The following ERG variants were observed in gnomAD, a reference collection of about 807,000 sequenced individuals.
ERG encodes the protein transcriptional regulator ERG.
A neutral mutation model predicts 55.3 loss-of-function variants in ERG; 9 were observed. That is an observed-to-expected ratio of 0.16 (90% CI 0.10 to 0.28). The LOEUF (loss-of-function observed/expected upper bound fraction) is 0.28. Ranked by LOEUF, ERG falls within the 10% of genes least tolerant of loss-of-function variation. ERG has a pLI of 1.00. For synonymous variants in ERG, 223 were observed against 237.3 expected (o/e 0.94, Z 0.55); for missense variants, 434 against 631.6 (o/e 0.69, Z 3.35).
intron 1 of ERG, among the ~76,000 whole-genome samples, chr21:38,488,108 C>A (rs899146971): frequency 1.3e-5 from 2 of 152,122 alleles, no homozygotes; most frequent in African/African-American, 4.8e-5. Context: ...TTCTTCCCTT[C>A]GCAATGCACT....
At chr21:38,420,698 G>C (rs1989504298) in intron 3 of ERG, among the ~76,000 whole-genome samples, 1 of 152,122 alleles carries the variant, frequency 6.6e-6, no homozygotes, top group African/African-American at 2.4e-5. Flanking sequence ...AGTGTAGAAA[G>C]ACTCAAGTCT....
intron 2 of ERG, among the ~76,000 whole-genome samples, chr21:38,542,453 G>A (rs148412098): frequency 6.6e-5 from 10 of 152,288 alleles, no homozygotes. Flanking sequence ...GCTAAAAGAT[G>A]TTTACAGGAC....
intron 1 of ERG, among the ~76,000 whole-genome samples, chr21:38,492,716 A>G (rs2059346911): frequency 6.6e-6 from 1 of 152,336 alleles, no homozygotes; most frequent in Middle Eastern, 3.4e-3. Flanking sequence ...GAGAGTGGAC[A>G]GATGGGAATC....
chr21:38,592,883 T>C (rs1001180181), intron 1 of ERG, among the ~76,000 whole-genome samples: 1 of 152,238 alleles, frequency 6.6e-6, no homozygotes, highest in Non-Finnish European at 1.5e-5. Context: ...CATTTCATGT[T>C]GCTTTGGAGG....
intron 1 of ERG, among the ~76,000 whole-genome samples, chr21:38,621,241 C>T (rs576108464): frequency 6.6e-6 from 1 of 152,076 alleles, no homozygotes; most frequent in South Asian, 2.1e-4. Flanking sequence ...GTCCCCAACT[C>T]TTATGTCCTA....
chr21:38,649,405 C>T (rs2060475606), intron 1 of ERG, among the ~76,000 whole-genome samples: 1 of 152,182 alleles, frequency 6.6e-6, no homozygotes, highest in African/African-American at 2.4e-5. Flanking sequence ...GCCACATGGC[C>T]AGTCAAACGT....
At chr21:38,609,702 ATGTGT>A (rs1411416542) in intron 1 of ERG, among the ~76,000 whole-genome samples, 2 of 152,240 alleles carry the variant, frequency 1.3e-5, no homozygotes, top group African/African-American at 4.8e-5. Context: ...GCACATGCAT[ATGTGT>A]GAAATCTGTG....
intron 1 of ERG, among the ~76,000 whole-genome samples, chr21:38,454,820 C>T (rs998636142): frequency 2.0e-5 from 3 of 152,118 alleles, no homozygotes; most frequent in Non-Finnish European, 2.9e-5. Context: ...ATTTTCAAAC[C>T]AAGTATCTAC....
At chr21:38,470,401 C>T (rs1477672960) in intron 1 of ERG, among the ~76,000 whole-genome samples, 1 of 152,120 alleles carries the variant, frequency 6.6e-6, no homozygotes, top group African/African-American at 2.4e-5. Flanking sequence ...TATGCTGATC[C>T]TAGCTTTGTC....
rs1238254698 is a variant in ERG, at chr21:38,400,499, G to C, written c.745+75C>G. 2.6e-6 allele frequency: 3 copies of C among 1,166,854 alleles called. No homozygotes were observed. In the Admixed American group the frequency reaches 5.0e-5, roughly 20 times the overall value. The allele number at this position is 1,166,854 out of a possible 1,614,324, so 72.3% of individuals were successfully genotyped here. A position where few individuals can be genotyped will look rare whatever the true frequency, so the allele number is the denominator to read the frequency against. ...GGGATCAGCTCTCTTTGTATCACGT[G>C]ACTTAGGGCACGGATCTCAGCAGGA... is the stretch of plus-strand genomic sequence containing the variant. On this transcript the variant is annotated intron_variant, in intron 6 of 9. Coordinates refer to ENST00000288319, the MANE Select transcript of ERG (RefSeq NM_182918.4).
At chr21:38,616,694 A>C (rs1373351244) in intron 1 of ERG, among the ~76,000 whole-genome samples, 1 of 152,160 alleles carries the variant, frequency 6.6e-6, no homozygotes, top group Admixed American at 6.5e-5. Flanking sequence ...CTGCTCAGAA[A>C]ACATTCAACC....
chr21:38,626,096 A>T (rs910505729), intron 1 of ERG, among the ~76,000 whole-genome samples: 6 of 151,564 alleles, frequency 4.0e-5, no homozygotes, highest in Non-Finnish European at 7.4e-5. Context: ...TAATTTTTGT[A>T]TTTTTAGTAG....
intron 2 of ERG, among the ~76,000 whole-genome samples, chr21:38,437,666 T>C (rs2058803322): frequency 1.3e-5 from 2 of 152,202 alleles, no homozygotes; most frequent in Non-Finnish European, 2.9e-5. Flanking sequence ...CCGTACCTTG[T>C]TTGGGGTACA....
At position 38,380,935 on chromosome 21, in the gene ERG, A is replaced by C. The variant is rs1020506536; in HGVS notation, c.*2468T>G. 19 of 1,065,266 alleles carry C rather than the reference A, an allele frequency of 1.8e-5. No individual in the cohort carries two copies. Among genetic ancestry groups the C allele is most frequent in the Non-Finnish European group, 2.2e-5 (19 of 879,304 alleles). 66.0% of individuals were successfully genotyped at this position (1,065,266 alleles called of 1,614,324 possible). On this transcript the variant is annotated 3_prime_UTR_variant, in exon 10 of 10. Transcript: ENST00000288319. The stretch of plus-strand genomic sequence containing the variant: ...TCTTGACTTTGCATTCCAAAATAAA[A>C]ATGACTGATCTTTTCCATTAGCACA...
chr21:38,494,664 C>G (rs558556318), intron 1 of ERG, among the ~76,000 whole-genome samples: 13 of 152,304 alleles, frequency 8.5e-5, no homozygotes, highest in Non-Finnish European at 1.5e-4. Flanking sequence ...CACTTATAAA[C>G]GTAGATAATT....
chr21:38,645,205 T>C (rs2060448578), intron 1 of ERG, among the ~76,000 whole-genome samples: 1 of 152,050 alleles, frequency 6.6e-6, no homozygotes, highest in African/African-American at 2.4e-5. Flanking sequence ...TAAAAATAAG[T>C]AAATAATAAA....
rs903073112 is a variant in ERG, at chr21:38,460,292, G to A, written c.19-14671C>T. ...TGGTAGAGCCTTGCAGGCCATGGCA[G>A]GAACCTGGGTGTTGACTCAGAGAGA... On this transcript the variant is annotated intron_variant, in intron 1 of 9. Coordinates refer to ENST00000288319, the MANE Select transcript of ERG (RefSeq NM_182918.4). This position sits in a 1 kb window ranked among gnomAD's most constrained non-coding sequence, Gnocchi z 5.0. Among the ~76,000 whole-genome samples the A allele has an allele frequency of 6.6e-6, 1 of 152,206 alleles. No individual in the cohort carries two copies. The highest frequency in any genetic ancestry group is 1.5e-5 in the Non-Finnish European group (1 of 68,030).
At chr21:38,453,102 C>T (rs1459588192) in intron 1 of ERG, among the ~76,000 whole-genome samples, 1 of 152,144 alleles carries the variant, frequency 6.6e-6, no homozygotes, top group African/African-American at 2.4e-5. Flanking sequence ...CCAGGAGTTC[C>T]AGGGAGTTTG....
chr21:38,410,928 CA>C (rs1989018660), intron 3 of ERG, among the ~76,000 whole-genome samples: 1 of 152,168 alleles, frequency 6.6e-6, no homozygotes, highest in South Asian at 2.1e-4. Flanking sequence ...AAAAAAACAT[CA>C]AAAAATAAAA....
Sources: allele counts gnomAD v4.1 joint callset (sites outside exome capture counted in the v4.1 genomes callset), GRCh38; gene constraint gnomAD v4.1.1; non-coding constraint Gnocchi (gnomAD v3.1); transcripts MANE v1.5; gene names NCBI Gene and HGNC (gene_info 2026-07-23, HGNC 2026-07-21).